The following POLA1 variants were observed in gnomAD, a reference collection of about 807,000 sequenced individuals.
The protein encoded by POLA1 is DNA polymerase alpha 1, catalytic subunit.
POLA1 carries 15 observed loss-of-function variants against 124.0 expected under a neutral mutation model. The ratio of observed to expected loss-of-function variants is 0.12; its 90% CI spans 0.08 to 0.19. The LOEUF is 0.19. Ranked by LOEUF, POLA1 falls within the 10% of genes least tolerant of loss-of-function variation. The probability of loss-of-function intolerance (pLI) is 1.00; values close to 1 mark genes in which losing one functional copy is unlikely to be tolerated. For missense variants in POLA1, 886 were observed against 1,103.4 expected (o/e 0.80, Z 2.79); for synonymous variants, 408 against 389.4 (o/e 1.05, Z -0.56).
At chrX:24,732,979 A>C (rs1931029531) in intron 16 of POLA1, among the ~76,000 whole-genome samples, 1 of 112,324 alleles carries the variant, frequency 8.9e-6, no homozygotes, top group Non-Finnish European at 1.9e-5. Context: ...GTCAGTCTCC[A>C]AGGAGGATTC....
chrX:24,927,336 A>G (rs1481479024), intron 35 of POLA1, among the ~76,000 whole-genome samples: 1 of 112,036 alleles, frequency 8.9e-6, no homozygotes, highest in Non-Finnish European at 1.9e-5. Context: ...ATCTGATTAC[A>G]GGATTCAAAA....
At chrX:24,820,745 A>G (rs1180769693) in intron 30 of POLA1, among the ~76,000 whole-genome samples, 1 of 107,191 alleles carries the variant, frequency 9.3e-6, no homozygotes, top group Non-Finnish European at 1.9e-5. Context: ...GGTGGAGGGT[A>G]GAGAGTCTTC....
intron 35 of POLA1, among the ~76,000 whole-genome samples, chrX:24,903,773 G>A (rs1225157111): frequency 1.8e-5 from 2 of 111,012 alleles, no homozygotes; most frequent in Non-Finnish European, 3.8e-5. Flanking sequence ...TTTGGTTCCA[G>A]GTAAGATGGA....
intron 36 of POLA1, among the ~76,000 whole-genome samples, chrX:24,977,692 G>C (rs184245642): frequency 8.4e-4 from 94 of 112,061 alleles, no homozygotes; most frequent in African/African-American, 2.3e-3. Context: ...TCTTGTTTTT[G>C]CAGTGTTCCT....
chrX:24,760,994 C>T (rs762544108), intron 26 of POLA1, among the ~76,000 whole-genome samples: 3 of 111,526 alleles, frequency 2.7e-5, no homozygotes, highest in Non-Finnish European at 5.6e-5. Flanking sequence ...ATGTATGAGT[C>T]TCAACATTAA....
intron 15 of POLA1, among the ~76,000 whole-genome samples, chrX:24,731,639 C>T (rs765243305): frequency 9.9e-5 from 11 of 111,261 alleles, no homozygotes; most frequent in Admixed American, 5.7e-4. Context: ...AATGGTAATA[C>T]TGGCAACTAG....
rs766633748 is a variant in POLA1 at position 24,714,652 on chromosome X, G to A, written c.445G>A (p.Gly149Arg). 6.0e-6 allele frequency: 7 copies of A among 1,166,594 alleles called. No homozygotes were observed. In the African/African-American group the frequency reaches 1.2e-4, roughly 21 times the overall value. ...NIKSMFIACA[G>R]KKTADKAVDL... The stretch of plus-strand genomic sequence containing the variant: ...TAAGTCAATGTTCATTGCTTGTGCT[G>A]GAAAGAAAACTGCAGATGTGAGTTT... Residue 149 changes from glycine (G) to arginine (R), a missense_variant, in exon 5 of 37, where the codon GGA becomes AGA. Physicochemically the swap from Gly to Arg is moderately radical, Grantham distance 125. This residue lies in a region of POLA1 where 337 missense variants were observed against 402.8 expected (regional missense o/e 0.84). Coordinates refer to ENST00000379068, the MANE Select transcript of POLA1 (RefSeq NM_001330360.2).
chrX:24,869,178 C>T (rs1017996721), intron 34 of POLA1, among the ~76,000 whole-genome samples: 3 of 112,698 alleles, frequency 2.7e-5, no homozygotes, highest in African/African-American at 9.7e-5. Context: ...AAGCGATCCT[C>T]CCGCCTTGGC....
chrX:24,878,285 C>T (rs1035422153), intron 34 of POLA1, among the ~76,000 whole-genome samples: 1 of 111,497 alleles, frequency 9.0e-6, no homozygotes, highest in Non-Finnish European at 1.9e-5. Flanking sequence ...CGTTCACTAC[C>T]CAAAGGCATA....
intron 15 of POLA1, among the ~76,000 whole-genome samples, chrX:24,728,513 G>A (rs1166051483): frequency 1.8e-5 from 2 of 111,968 alleles, no homozygotes; most frequent in Non-Finnish European, 3.8e-5. Context: ...AAGATTCGCA[G>A]ATGGTATTTA....
chrX:24,902,306 T>C (rs1306843859), intron 35 of POLA1, among the ~76,000 whole-genome samples: 2 of 112,169 alleles, frequency 1.8e-5, no homozygotes, highest in African/African-American at 6.5e-5. Flanking sequence ...AAGACATTCT[T>C]GTCAGTCCCT....
chrX:24,861,396 T>G (rs2046714292), intron 34 of POLA1, among the ~76,000 whole-genome samples: 2 of 112,959 alleles, frequency 1.8e-5, no homozygotes, highest in Admixed American at 1.9e-4. Context: ...CTTCCCAAAG[T>G]GCTGGGATTA....
At chrX:24,713,388 G>A (rs370785734) in intron 4 of POLA1, among the ~76,000 whole-genome samples, 38 of 111,690 alleles carry the variant, frequency 3.4e-4, no homozygotes, top group Middle Eastern at 9.5e-3. Flanking sequence ...ACACATAGCC[G>A]TAAGAGAAAA....
chrX:24,836,528 T>C (rs2147050312), intron 32 of POLA1, among the ~76,000 whole-genome samples: 1 of 112,246 alleles, frequency 8.9e-6, no homozygotes, highest in East Asian at 2.8e-4. Flanking sequence ...AGATAGTGTT[T>C]TCCATCTTCA....
chrX:24,874,905 T>A lies in POLA1; in HGVS notation c.4048-13101T>A, dbSNP rs138823672. On this transcript the variant is annotated intron_variant, in intron 34 of 36. Coordinates refer to ENST00000379068, the MANE Select transcript of POLA1 (RefSeq NM_001330360.2). ...AAGTATTTGGAACAGGGTTAACAGATGGGTTTTATATTGAGTGCCAGCTTC... is the reference window on the plus strand; with the variant it reads ...AAGTATTTGGAACAGGGTTAACAGAAGGGTTTTATATTGAGTGCCAGCTTC... 4.5e-3 allele frequency among the ~76,000 whole-genome samples: 502 copies of A among 111,878 alleles called. 4 individuals carry two copies. The highest frequency in any genetic ancestry group is 3.2e-3 in the Non-Finnish European group (170 of 53,165).
rs140206476 is a variant in POLA1 at position 24,870,891 on chromosome X, G to A, written c.4048-17115G>A. On this transcript the variant is annotated intron_variant, in intron 34 of 36. Coordinates refer to ENST00000379068, the MANE Select transcript of POLA1 (RefSeq NM_001330360.2). Reference sequence around the variant, plus strand: ...ATCTAAAGAACTTTTCTTTGAACCTGTTTCAATAACACATGAAAACATCTC... The same window carrying A: ...ATCTAAAGAACTTTTCTTTGAACCTATTTCAATAACACATGAAAACATCTC... Among the ~76,000 whole-genome samples the A allele has an allele frequency of 2.2e-4, 25 of 111,775 alleles. No homozygotes were observed. The East Asian group carries it at 5.1e-3, about 23-fold the overall frequency.
At chrX:24,961,171 C>T (rs75117557) in intron 36 of POLA1, among the ~76,000 whole-genome samples, 2 of 110,885 alleles carry the variant, frequency 1.8e-5, no homozygotes, top group African/African-American at 6.6e-5. Flanking sequence ...TTCTTGCCTC[C>T]CACTACAAAA....
At chrX:24,704,682 T>C (rs1249412054) in intron 4 of POLA1, among the ~76,000 whole-genome samples, 1 of 112,136 alleles carries the variant, frequency 8.9e-6, no homozygotes, top group African/African-American at 3.2e-5. Context: ...TGAAGTTTCA[T>C]GTCTCTGTTA....
chrX:24,867,359 T>C (rs1405582403), intron 34 of POLA1, among the ~76,000 whole-genome samples: 2 of 111,620 alleles, frequency 1.8e-5, no homozygotes, highest in Non-Finnish European at 3.8e-5. Context: ...TGTATCTTTT[T>C]GACCTAGAGT....
Sources: gnomAD v4.1 joint callset for allele counts (sites outside exome capture counted in the v4.1 genomes callset) on GRCh38, gnomAD v4.1.1 for gene constraint, gnomAD v4.1.1 regional missense constraint, MANE v1.5 for transcripts, NCBI Gene and HGNC (gene_info 2026-07-23, HGNC 2026-07-21) for gene names.